The following RASA2 variants were observed in gnomAD, a reference collection of about 807,000 sequenced individuals.
RASA2 encodes the protein ras GTPase-activating protein 2.
A neutral mutation model predicts 118.2 loss-of-function variants in RASA2; 155 were observed. The ratio of observed to expected loss-of-function variants is 1.31; its 90% CI spans 1.15 to 1.50. The LOEUF is 1.50. Ranked by LOEUF, RASA2 falls within the 40% of genes most tolerant of loss-of-function variation. RASA2 has a pLI of 0.00. For synonymous variants in RASA2, 353 were observed against 349.1 expected (o/e 1.01, Z -0.12); for missense variants, 1,016 against 1,009.6 (o/e 1.01, Z -0.09).
chr3:141,530,758 A>T (rs1056015972), intron 4 of RASA2, among the ~76,000 whole-genome samples: 2 of 152,128 alleles, frequency 1.3e-5, no homozygotes, highest in African/African-American at 2.4e-5. Flanking sequence ...GCAAAATTTA[A>T]CATACTTTTC....
At chr3:141,583,771 A>G (rs559406703) in intron 17 of RASA2, among the ~76,000 whole-genome samples, 1 of 152,308 alleles carries the variant, frequency 6.6e-6, no homozygotes, top group South Asian at 2.1e-4. Context: ...TACAAATTCC[A>G]CTTTAGAATA....
intron 1 of RASA2, among the ~76,000 whole-genome samples, chr3:141,495,489 A>G (rs1005287240): frequency 6.6e-6 from 1 of 152,250 alleles, no homozygotes; most frequent in African/African-American, 2.4e-5. Context: ...AGTAAACATG[A>G]AAATATTGGT....
rs767907279 is a variant in RASA2, at chr3:141,608,599, C to T, written c.2127C>T (p.Asn709=). 7 of 1,613,910 alleles carry T rather than the reference C, an allele frequency of 4.3e-6. No homozygotes were observed. The highest frequency in any genetic ancestry group is 5.9e-6 in the Non-Finnish European group (7 of 1,179,864). ...GCAGGGTGAGCCGATGCAATCAAAA[C>T]AGGCTCAGTTTTTATCATCCCTCTG... ...VLCRVSRCNQ[N]RLSFYHPSVY... The change falls in exon 21 of 24, where the codon AAC becomes AAT. Residue 709 remains asparagine (N), a synonymous_variant. Transcript: ENST00000286364.
intron 1 of RASA2, among the ~76,000 whole-genome samples, chr3:141,508,837 G>A (rs2081907900): frequency 6.6e-6 from 1 of 151,072 alleles, no homozygotes; most frequent in South Asian, 2.1e-4. Flanking sequence ...TTTGGTCCAA[G>A]GCGCATGCTC....
intron 1 of RASA2, among the ~76,000 whole-genome samples, 164 bp downstream of exon 1, chr3:141,487,380 G>A (rs1347762055): frequency 1.3e-5 from 2 of 151,416 alleles, no homozygotes; most frequent in Non-Finnish European, 3.0e-5. Flanking sequence ...GTGTTGGGGG[G>A]CGGCGTCGCC....
intron 19 of RASA2, chr3:141,600,245 AAGG>A: frequency 5.9e-6 from 3 of 508,408 alleles, no homozygotes; most frequent in Non-Finnish European, 8.0e-6. Context: ...TGAAGGAAAG[AAGG>A]AGGACACCCT....
Position 141,558,875 on chromosome 3 carries a change from TTTG to T in RASA2, c.685-8_685-6del, listed in dbSNP as rs774195601. The T allele has an allele frequency of 5.1e-6, 8 of 1,572,896 alleles. No homozygotes were observed. On this transcript the variant is annotated splice_region_variant and splice_polypyrimidine_tract_variant and intron_variant, in intron 7 of 23. Transcript: ENST00000286364. ...TTAAAAAAAATTTTTACTAAAATAT[TTTG>T]TTTACAGGTAACCAGATCCAGTAGT...
intron 11 of RASA2, among the ~76,000 whole-genome samples, chr3:141,572,260 T>A (rs1413949849): frequency 6.6e-6 from 1 of 151,798 alleles, no homozygotes; most frequent in Non-Finnish European, 1.5e-5. Context: ...CCCAGCTAAT[T>A]TTTGTATTTT....
chr3:141,550,346 A>G (rs1021293705), intron 5 of RASA2, among the ~76,000 whole-genome samples: 4 of 152,248 alleles, frequency 2.6e-5, no homozygotes, highest in African/African-American at 9.6e-5. Context: ...ATTAAGGAAT[A>G]CACTACAAAA....
intron 1 of RASA2, among the ~76,000 whole-genome samples, chr3:141,488,251 T>C (rs1008883212): frequency 2.6e-5 from 4 of 152,192 alleles, no homozygotes; most frequent in African/African-American, 9.7e-5. Context: ...ATTTTTGCAT[T>C]TGTCGAAAAT....
Position 141,489,229 on chromosome 3 carries a change from G to GAAA in RASA2, c.133+2021_133+2023dup, listed in dbSNP as rs35917720. Among the ~76,000 whole-genome samples, 1,257 of 149,068 alleles carry GAAA rather than the reference G, an allele frequency of 8.4e-3. 20 individuals are homozygous for GAAA. The highest frequency in any genetic ancestry group is 0.025 in the African/African-American group (1,031 of 40,754). ...CAGGTTATGGAGTGTCTGCTTTCTA[G>GAAA]AAAAAAAAAATGTATTTGTATACTT... On this transcript the variant is annotated intron_variant, in intron 1 of 23. Coordinates refer to ENST00000286364, the MANE Select transcript of RASA2 (RefSeq NM_006506.5).
chr3:141,516,281 ATTT>A (rs1233275512), intron 2 of RASA2, 44 bp from the exon 3 acceptor site: 4 of 1,199,402 alleles, frequency 3.3e-6, no homozygotes, highest in Non-Finnish European at 4.3e-6. Flanking sequence ...ATTAATTATT[ATTT>A]ATTTTATATT....
chr3:141,538,279 CTT>C (rs1324251605), intron 4 of RASA2, among the ~76,000 whole-genome samples: 2 of 152,038 alleles, frequency 1.3e-5, no homozygotes, highest in Non-Finnish European at 2.9e-5. Context: ...TAATTTAAAA[CTT>C]TATTTTTCTT....
chr3:141,571,970 G>C (rs933865379), intron 11 of RASA2, among the ~76,000 whole-genome samples: 15 of 148,332 alleles, frequency 1.0e-4, no homozygotes, highest in African/African-American at 1.5e-4. Flanking sequence ...TTTACACACA[G>C]AGACATACAT....
At chr3:141,532,827 A>G (rs910000851) in intron 4 of RASA2, among the ~76,000 whole-genome samples, 11 of 152,112 alleles carry the variant, frequency 7.2e-5, no homozygotes, top group Non-Finnish European at 1.3e-4. Context: ...GGAAACTGAG[A>G]CCCACTAATC....
chr3:141,547,163 G>C (rs1176469501), intron 5 of RASA2, among the ~76,000 whole-genome samples: 1 of 151,952 alleles, frequency 6.6e-6, no homozygotes, highest in African/African-American at 2.4e-5. Flanking sequence ...TTTTGCTCAG[G>C]ATAGCTTTGG....
intron 4 of RASA2, among the ~76,000 whole-genome samples, chr3:141,531,043 T>C (rs1275654566): frequency 1.3e-5 from 2 of 152,152 alleles, no homozygotes. Context: ...TCTGTAAGAA[T>C]AGTTTAAAAG....
intron 19 of RASA2, among the ~76,000 whole-genome samples, chr3:141,604,737 T>C (rs1264428695): frequency 7.3e-6 from 1 of 137,516 alleles, no homozygotes; most frequent in Non-Finnish European, 1.5e-5. Flanking sequence ...TCCTTACATA[T>C]ACAAAAATGT....
chr3:141,586,677 C>T lies in RASA2; in HGVS notation c.1858C>T (p.Arg620Trp), dbSNP rs748310597. The change falls in exon 19 of 24, where the codon CGG (arginine) becomes TGG (tryptophan). Residue 620 changes from arginine to tryptophan, a missense_variant. Physicochemically the swap from Arg to Trp is moderately radical, Grantham distance 101. Around this residue, in one of 2 missense-constraint regions of RASA2, gnomAD observed 896 missense variants for 836.4 expected, o/e 1.07. Transcript: ENST00000286364. ...EMYKRAQGRT[R>W]IGKKNFKKRW... is the part of the protein sequence containing the mutation. ...GTATAAAAGAGCTCAAGGAAGAACT[C>T]GGATTGGAAAAAAGAATTTTAAGAA... 3 of 1,613,076 alleles carry T rather than the reference C, an allele frequency of 1.9e-6. No homozygotes were observed. Among genetic ancestry groups the T allele is most frequent in the Non-Finnish European group, 2.5e-6 (3 of 1,179,360 alleles).
Sources: gnomAD v4.1 joint callset for allele counts (sites outside exome capture counted in the v4.1 genomes callset) on GRCh38, gnomAD v4.1.1 for gene constraint, gnomAD v4.1.1 regional missense constraint, MANE v1.5 for transcripts, NCBI Gene and HGNC (gene_info 2026-07-23, HGNC 2026-07-21) for gene names.